Variants in SORT1 observed in about 807,000 individuals in gnomAD.
SORT1 encodes the protein sortilin.
Under a neutral mutation model 101.7 loss-of-function variants are expected in SORT1, and 39 were observed. That is an observed-to-expected ratio of 0.38 (90% confidence interval 0.30 to 0.50). SORT1 has a LOEUF of 0.50. Among genes scored for constraint, SORT1 ranks in the 20% least tolerant of loss-of-function variants. The probability of loss-of-function intolerance (pLI) is 0.90; values close to 1 mark genes in which losing one functional copy is unlikely to be tolerated. For missense variants in SORT1, 878 were observed against 1,040.4 expected (o/e 0.84, Z 2.15); for synonymous variants, 396 against 393.7 (o/e 1.01, Z -0.07).
chr1:109,355,038 A>C (rs1650214638), intron 4 of SORT1, among the ~76,000 whole-genome samples: 1 of 152,058 alleles, frequency 6.6e-6, no homozygotes, highest in African/African-American at 2.4e-5. Flanking sequence ...AGCCTGAGCA[A>C]CATGGCAAAA....
At chr1:109,387,922 C>T (rs964173533) in intron 1 of SORT1, among the ~76,000 whole-genome samples, 9 of 152,198 alleles carry the variant, frequency 5.9e-5, no homozygotes, top group Admixed American at 3.9e-4. Flanking sequence ...TGCACTCCAG[C>T]CTGGGCAACA....
chr1:109,315,326 T>G (rs1018814142), intron 17 of SORT1, among the ~76,000 whole-genome samples: 1 of 152,136 alleles, frequency 6.6e-6, no homozygotes, highest in African/African-American at 2.4e-5. Flanking sequence ...ATAGGGAGTG[T>G]GTGTTTTCAA....
At chr1:109,378,698 TGATATATATATATATATATATATATA>T (rs1421626902) in intron 1 of SORT1, among the ~76,000 whole-genome samples, 11 of 62,166 alleles carry the variant, frequency 1.8e-4, no homozygotes, top group African/African-American at 6.7e-4. Context: ...GTAGAGTGAA[TGATATATATATATATATATATATATA>T]TATATATATA....
At chr1:109,348,994 A>C (rs72703238) in intron 6 of SORT1, among the ~76,000 whole-genome samples, 4 of 152,040 alleles carry the variant, frequency 2.6e-5, no homozygotes, top group Admixed American at 1.3e-4. Context: ...AATTATTTAC[A>C]CATGACCTAC....
Position 109,345,876 on chromosome 1 carries a change from CA to C in SORT1, c.837del (p.Asp280ThrfsTer22), listed in dbSNP as rs746491427. On this transcript the variant is annotated frameshift_variant, in exon 8 of 20. Coordinates refer to ENST00000256637, the MANE Select transcript of SORT1 (RefSeq NM_002959.7). LOFTEE classifies it high-confidence loss of function. ...CTCCATAATTCCAGAGCCCCAAGGTCAGCTTCTTAAACAAGACAAAATATTA... is the reference window on the plus strand; with the variant it reads ...CTCCATAATTCCAGAGCCCCAAGGTCGCTTCTTAAACAAGACAAAATATTA... ...FTTYANGSCKADLGALELWRT... is the reference protein window; with the variant it reads ...FTTYANGSCKXDLGALELWRT... The C allele has an allele frequency of 6.2e-7, 1 of 1,611,666 alleles. No individual in the cohort carries two copies. Among genetic ancestry groups the C allele is most frequent in the Admixed American group, 1.7e-5 (1 of 59,512 alleles).
In SORT1 at chr1:109,346,764, A is replaced by G. The variant is rs1204048630; in HGVS notation, c.832+719T>C. Reference sequence around the variant, plus strand: ...CGTCTCAAAAAAAAAAAAAAAAAAAAGCCACAGCATGCTGCTTTACTTTCT... The same window carrying G: ...CGTCTCAAAAAAAAAAAAAAAAAAAGGCCACAGCATGCTGCTTTACTTTCT... On this transcript the variant is annotated intron_variant, in intron 7 of 19. Transcript: ENST00000256637. Among the ~76,000 whole-genome samples the G allele has an allele frequency of 2.6e-5, 4 of 151,174 alleles. No individual in the cohort carries two copies. The East Asian group carries it at 7.8e-4, about 29-fold the overall frequency.
At chr1:109,348,695 G>A (rs1649766111) in intron 6 of SORT1, among the ~76,000 whole-genome samples, 1 of 151,932 alleles carries the variant, frequency 6.6e-6, no homozygotes, top group Admixed American at 6.6e-5. Context: ...GTCTCACTCT[G>A]TTGCCCAGGC....
chr1:109,347,639 G>T, intron 6 of SORT1, 107 bp from the exon 7 acceptor site: 1 of 716,646 alleles, frequency 1.4e-6, no homozygotes, highest in South Asian at 1.6e-5. Flanking sequence ...TCATTCACAG[G>T]CACTGACAAG....
intron 1 of SORT1, among the ~76,000 whole-genome samples, chr1:109,378,744 ATATATATATATATATAT>A (rs1371468693): frequency 2.1e-4 from 19 of 89,594 alleles, no homozygotes; most frequent in African/African-American, 7.2e-4. Context: ...ATATATATAT[ATATATATATATATATAT>A]AAAGATGTTA....
At chr1:109,317,092 A>G (rs1647269817) in intron 16 of SORT1, 134 bp from the exon 17 acceptor site, 1 of 635,390 alleles carries the variant, frequency 1.6e-6, no homozygotes, top group South Asian at 1.9e-5. Flanking sequence ...CCTGGGGGGA[A>G]TGTCCACAGG....
At position 109,325,520 on chromosome 1, in the gene SORT1, G is replaced by A. The variant is rs557796949; in HGVS notation, c.1644-431C>T. ...CTCCCAAAGTGCTGGGATTATAGGC[G>A]TGAGCCACCGCACCCAGCCAACTAT... On this transcript the variant is annotated intron_variant, in intron 13 of 19. Coordinates refer to ENST00000256637, the MANE Select transcript of SORT1 (RefSeq NM_002959.7). 1.8e-4 allele frequency among the ~76,000 whole-genome samples: 28 copies of A among 152,104 alleles called. No individual in the cohort carries two copies. The South Asian group carries it at 2.1e-3, about 11-fold the overall frequency.
intron 3 of SORT1, among the ~76,000 whole-genome samples, chr1:109,362,757 T>C (rs905058780): frequency 2.0e-5 from 3 of 151,990 alleles, no homozygotes; most frequent in Admixed American, 2.0e-4. Flanking sequence ...TGAAGTTGTA[T>C]TAAAGGTAAA....
intron 3 of SORT1, among the ~76,000 whole-genome samples, chr1:109,365,477 T>C (rs984688759): frequency 7.2e-5 from 11 of 152,174 alleles, no homozygotes; most frequent in Admixed American, 3.9e-4. Flanking sequence ...AAAATGCATT[T>C]TTCTCTCCCC....
At chr1:109,374,691 G>A (rs1308073833) in intron 1 of SORT1, among the ~76,000 whole-genome samples, 2 of 152,216 alleles carry the variant, frequency 1.3e-5, no homozygotes, top group Non-Finnish European at 1.5e-5. Context: ...GGGTGCTGTG[G>A]CTCATGCCTG....
rs147358109 is a variant in SORT1 at position 109,340,773 on chromosome 1, G to C, written c.1215C>G (p.Thr405=). 1.9e-6 allele frequency: 3 copies of C among 1,613,950 alleles called. No individual in the cohort carries two copies. The African/African-American group carries it at 4.0e-5, about 22-fold the overall frequency. ...YTTTGGETDF[T]NVTSLRGVYI... The stretch of plus-strand genomic sequence containing the variant: ...AGACGCCGCGGAGGGAGGTCACGTT[G>C]GTAAAGTCCGTCTCTCCGCCTGTGG... The change falls in exon 10 of 20, where the codon ACC becomes ACG. Residue 405 remains threonine (T), a synonymous_variant. Transcript: ENST00000256637.
In SORT1 at chr1:109,360,285, G is replaced by A. The variant is rs575089380; in HGVS notation, c.441-4816C>T. On this transcript the variant is annotated intron_variant, in intron 3 of 19. Transcript: ENST00000256637. Reference sequence around the variant, plus strand: ...CAGGAGCTCAAAGCTACAATGAGCCGTGATCATGACACTGCACTCCAGCCT... The same window carrying A: ...CAGGAGCTCAAAGCTACAATGAGCCATGATCATGACACTGCACTCCAGCCT... 7.9e-5 allele frequency among the ~76,000 whole-genome samples: 12 copies of A among 152,174 alleles called. No homozygotes were observed. The East Asian group carries it at 1.9e-3, about 25-fold the overall frequency.
At chr1:109,351,974 GTGTGT>G (rs1649998188) in intron 5 of SORT1, among the ~76,000 whole-genome samples, 3 of 142,212 alleles carry the variant, frequency 2.1e-5, no homozygotes, top group Non-Finnish European at 4.7e-5. Context: ...GGGTGTGTGT[GTGTGT>G]GTGTGTGTGT....
At chr1:109,394,972 G>A (rs572839186) in intron 1 of SORT1, among the ~76,000 whole-genome samples, 1 of 151,564 alleles carries the variant, frequency 6.6e-6, no homozygotes. Context: ...TTTTATAAAC[G>A]GTCCAAAAAT....
chr1:109,375,295 G>C (rs1651751636), intron 1 of SORT1, among the ~76,000 whole-genome samples: 1 of 152,070 alleles, frequency 6.6e-6, no homozygotes, highest in Non-Finnish European at 1.5e-5. Flanking sequence ...AGCCACGGTG[G>C]CTCACGCCTG....
Sources: gnomAD v4.1 joint callset for allele counts (sites outside exome capture counted in the v4.1 genomes callset) on GRCh38, gnomAD v4.1.1 for gene constraint, MANE v1.5 for transcripts, NCBI Gene and HGNC (gene_info 2026-07-23, HGNC 2026-07-21) for gene names.